SHISA9: variants seen among roughly 807,000 people sequenced by gnomAD.
SHISA9 encodes the protein shisa family member 9, also known as protein shisa-9.
SHISA9 carries 13 observed loss-of-function variants against 38.0 expected under a neutral mutation model. The observed-to-expected ratio is 0.34, with a 90% CI of 0.22 to 0.54. The LOEUF is 0.54. Ranked by LOEUF, SHISA9 falls within the 20% of genes least tolerant of loss-of-function variation. The pLI is 0.91. For synonymous variants in SHISA9, 275 were observed against 242.0 expected, an observed-to-expected ratio of 1.14 and a Z score of -1.27; for missense variants, 538 against 575.8, an observed-to-expected ratio of 0.93 and a Z score of 0.67.
chr16:12,910,613 C>A, intron 1 of SHISA9: 1 of 985,300 alleles, frequency 1.0e-6, no homozygotes, highest in Non-Finnish European at 1.2e-6. Flanking sequence ...AAAATGGCAA[C>A]ATAATTATGT....
intron 2 of SHISA9, among the ~76,000 whole-genome samples, chr16:13,101,598 T>G (rs1437044635): frequency 6.6e-6 from 1 of 152,222 alleles, no homozygotes; most frequent in African/African-American, 2.4e-5. Flanking sequence ...GTTGCTGGCT[T>G]TTGAAAATCA....
At chr16:13,494,638 G>T in the SHISA9 span, among the ~76,000 whole-genome samples, 1 of 151,860 alleles carries the variant, frequency 6.6e-6, no homozygotes, top group East Asian at 1.9e-4. Flanking sequence ...GAACTTATAG[G>T]GGAATGGTTA....
chr16:13,553,761 T>C, the SHISA9 span, among the ~76,000 whole-genome samples: 1 of 152,232 alleles, frequency 6.6e-6, no homozygotes, highest in Non-Finnish European at 1.5e-5. Context: ...CCCTTCGCTG[T>C]GAATCACCAC....
At chr16:13,118,552 T>C (rs2074053460) in intron 2 of SHISA9, among the ~76,000 whole-genome samples, 1 of 151,852 alleles carries the variant, frequency 6.6e-6, no homozygotes, top group Non-Finnish European at 1.5e-5. Context: ...ACCTGGAGGA[T>C]TGTGCTAAAA....
At chr16:13,164,129 A>G (rs1385642136) in intron 2 of SHISA9, among the ~76,000 whole-genome samples, 1 of 151,988 alleles carries the variant, frequency 6.6e-6, no homozygotes, top group Non-Finnish European at 1.5e-5. Flanking sequence ...TTTTTCATAG[A>G]TGTCCGTTAT....
chr16:13,267,459 C>A, the SHISA9 span, among the ~76,000 whole-genome samples: 10 of 152,232 alleles, frequency 6.6e-5, no homozygotes, highest in East Asian at 1.9e-3. Flanking sequence ...TGAGTTTGTA[C>A]AGCCCTTTTG....
At chr16:12,912,935 A>G (rs771525341) in intron 1 of SHISA9, among the ~76,000 whole-genome samples, 3 of 152,018 alleles carry the variant, frequency 2.0e-5, no homozygotes, top group Non-Finnish European at 4.4e-5. Flanking sequence ...TTCAGCCTGG[A>G]ATGCTCTTCC....
intron 2 of SHISA9, among the ~76,000 whole-genome samples, chr16:13,030,681 T>C (rs1296683479): frequency 6.6e-6 from 1 of 152,238 alleles, no homozygotes; most frequent in Non-Finnish European, 1.5e-5. Flanking sequence ...CACAGTGTAG[T>C]ACAGTTACCT....
intron 1 of SHISA9, chr16:12,911,289 G>A (rs190733101): frequency 1.9e-5 from 19 of 985,386 alleles, no homozygotes; most frequent in African/African-American, 1.4e-4. Context: ...ACTATGTGCC[G>A]CAAACAAACG....
intron 2 of SHISA9, among the ~76,000 whole-genome samples, chr16:12,956,566 C>G (rs1000412581): frequency 6.6e-6 from 1 of 152,188 alleles, no homozygotes; most frequent in Non-Finnish European, 1.5e-5. Context: ...AAATCATGTC[C>G]TTTGCAGCAA....
intron 2 of SHISA9, among the ~76,000 whole-genome samples, chr16:13,014,496 A>G (rs1180051790): frequency 6.6e-6 from 1 of 152,204 alleles, no homozygotes; most frequent in African/African-American, 2.4e-5. Flanking sequence ...CTGTCTTTCA[A>G]TTGTGCTTAT....
At chr16:13,187,515 A>G (rs1197903544) in intron 2 of SHISA9, among the ~76,000 whole-genome samples, 3 of 151,354 alleles carry the variant, frequency 2.0e-5, no homozygotes, top group Non-Finnish European at 2.9e-5. Flanking sequence ...TTGTATTTTT[A>G]GTAGAGATGA....
chr16:13,279,164 A>T, the SHISA9 span, among the ~76,000 whole-genome samples: 3 of 151,980 alleles, frequency 2.0e-5, no homozygotes, highest in African/African-American at 7.2e-5. Context: ...CTCATTCAGG[A>T]CCAGGTTAGT....
chr16:13,431,362 A>G, the SHISA9 span, among the ~76,000 whole-genome samples: 3 of 152,212 alleles, frequency 2.0e-5, no homozygotes, highest in South Asian at 4.1e-4. Flanking sequence ...GCCAAAAGCA[A>G]TTTCTATTGA....
At chr16:13,524,989 G>T in the SHISA9 span, among the ~76,000 whole-genome samples, 2 of 152,170 alleles carry the variant, frequency 1.3e-5, no homozygotes, top group Admixed American at 1.3e-4. Flanking sequence ...CCTGGGTGGG[G>T]TGGTAGGGTA....
chr16:13,376,556 A>G, the SHISA9 span, among the ~76,000 whole-genome samples: 17 of 152,364 alleles, frequency 1.1e-4, no homozygotes, highest in East Asian at 2.5e-3. Context: ...GTAAAGTTGC[A>G]GAAAATTGAA....
At chr16:13,369,883 A>T in the SHISA9 span, among the ~76,000 whole-genome samples, 1 of 152,030 alleles carries the variant, frequency 6.6e-6, no homozygotes, top group African/African-American at 2.4e-5. Flanking sequence ...CCCTCCGCAG[A>T]CCAATTGAAT....
intron 2 of SHISA9, among the ~76,000 whole-genome samples, chr16:13,126,353 G>T (rs990221178): frequency 5.7e-4 from 86 of 152,084 alleles, no homozygotes; most frequent in African/African-American, 2.0e-3. Flanking sequence ...TAATTGATCT[G>T]CACATAACCA....
chr16:13,128,689 G>T (rs2050281728), intron 2 of SHISA9, among the ~76,000 whole-genome samples: 1 of 152,176 alleles, frequency 6.6e-6, no homozygotes. Context: ...GACTTTGTGA[G>T]TCTAGCTTAT....
Sources: allele counts gnomAD v4.1 joint callset (sites outside exome capture counted in the v4.1 genomes callset), GRCh38; gene constraint gnomAD v4.1.1; transcripts MANE v1.5; gene names NCBI Gene and HGNC (gene_info 2026-07-23, HGNC 2026-07-21).